Variants in ERO1A observed in about 807,000 individuals in gnomAD.
ERO1A encodes the protein ERO1-like protein alpha.
Under a neutral mutation model 76.9 loss-of-function variants are expected in ERO1A, and 49 were observed. The observed-to-expected ratio is 0.64, with a 90% CI of 0.51 to 0.81. The LOEUF (loss-of-function observed/expected upper bound fraction) is 0.81, where lower values mean the gene tolerates loss of function less well. ERO1A is among the 30% of genes least tolerant of loss of function. The pLI is 0.00. For missense variants in ERO1A, 448 were observed against 542.1 expected (o/e 0.83, Z 1.72); for synonymous variants, 174 against 181.2 (o/e 0.96, Z 0.32).
intron 6 of ERO1A, among the ~76,000 whole-genome samples, chr14:52,670,515 G>A (rs896659329): frequency 6.6e-6 from 1 of 152,180 alleles, no homozygotes; most frequent in African/African-American, 2.4e-5. Context: ...GAGTAGCTGG[G>A]ATTACAGGCA....
At position 52,654,565 on chromosome 14, in the gene ERO1A, C is replaced by T. The variant is rs1594821475; in HGVS notation, c.809-1250G>A. Among the ~76,000 whole-genome samples, 4 of 152,230 alleles carry T rather than the reference C, an allele frequency of 2.6e-5. No homozygotes were observed. In the South Asian group the frequency reaches 8.3e-4, roughly 32 times the overall value. Reference sequence around the variant, plus strand: ...AAATGTAGCAAACAAACACACAGTACTTGCTGTGTAACGGATGCTCCATGA... The same window carrying T: ...AAATGTAGCAAACAAACACACAGTATTTGCTGTGTAACGGATGCTCCATGA... On this transcript the variant is annotated intron_variant, in intron 11 of 15. Coordinates refer to ENST00000395686, the MANE Select transcript of ERO1A (RefSeq NM_014584.3).
chr14:52,686,015 C>A (rs2041165531), intron 1 of ERO1A, among the ~76,000 whole-genome samples: 1 of 152,140 alleles, frequency 6.6e-6, no homozygotes, highest in African/African-American at 2.4e-5. Flanking sequence ...AGTTGAAGAC[C>A]AGCCTGACCA....
chr14:52,689,725 G>A (rs185057260), intron 1 of ERO1A, among the ~76,000 whole-genome samples: 2 of 152,060 alleles, frequency 1.3e-5, no homozygotes, highest in Non-Finnish European at 2.9e-5. Context: ...GTGTTCTGCA[G>A]ATTCAATGCA....
chr14:52,683,819 A>C lies in ERO1A; in HGVS notation c.203T>G (p.Leu68Arg). The C allele has an allele frequency of 1.3e-6, 2 of 1,541,328 alleles. No homozygotes were observed. The highest frequency in any genetic ancestry group is 1.8e-6 in the Non-Finnish European group (2 of 1,126,266). The change falls in exon 2 of 16, where the codon CTT becomes CGT. Residue 68 changes from leucine to arginine, a missense_variant. Around this residue, in one of 2 missense-constraint regions of ERO1A, gnomAD observed 146 missense variants for 130.2 expected, o/e 1.12. Coordinates refer to ENST00000395686, the MANE Select transcript of ERO1A (RefSeq NM_014584.3). ...ATACCTAAAGTAGTCACTTTCAAGAAGTTTTTGTAGTCTTGGGAAAAGCCT... is the reference window on the plus strand; with the variant it reads ...ATACCTAAAGTAGTCACTTTCAAGACGTTTTTGTAGTCTTGGGAAAAGCCT... ...NYRLFPRLQKLLESDYFRYYK... is the reference protein window; with the variant it reads ...NYRLFPRLQKRLESDYFRYYK...
At chr14:52,663,732 C>T (rs1252376724) in intron 8 of ERO1A, 69 bp downstream of exon 8, 2 of 911,790 alleles carry the variant, frequency 2.2e-6, no homozygotes, top group Non-Finnish European at 3.6e-6. Context: ...ATTTATCTTG[C>T]CTTCCCCTTC....
rs1057057535 is a variant in ERO1A, at chr14:52,695,390, G to C, written c.92C>G (p.Ala31Gly). Residue 31 changes from alanine (A) to glycine (G), a missense_variant, in exon 1 of 16, where the codon GCG becomes GGG. By Grantham distance (60) the Ala-to-Gly change is moderately conservative. Coordinates refer to ENST00000395686, the MANE Select transcript of ERO1A (RefSeq NM_014584.3). ...CACCTGGCAGAAGCACCTCTGTGCCGCTGTCTCCGGGGGCTGCTCCTCTCC... is the reference window on the plus strand; with the variant it reads ...CACCTGGCAGAAGCACCTCTGTGCCCCTGTCTCCGGGGGCTGCTCCTCTCC... ...GHGEEQPPET[A>G]AQRCFCQVSG... is the part of the protein sequence containing the mutation. 1.3e-5 allele frequency: 19 copies of C among 1,511,394 alleles called. 1 individual carries two copies. The highest frequency in any genetic ancestry group is 6.2e-5 in the Admixed American group (3 of 48,752). The allele number at this position is 1,511,394 out of a possible 1,614,324, so 93.6% of individuals were successfully genotyped here. A position where few individuals can be genotyped will look rare whatever the true frequency, so the allele number is the denominator to read the frequency against.
chr14:52,693,785 A>G (rs1487750706), intron 1 of ERO1A, among the ~76,000 whole-genome samples: 2 of 152,132 alleles, frequency 1.3e-5, no homozygotes, highest in African/African-American at 4.8e-5. Context: ...GGCTGGAGCC[A>G]CCACACCCAG....
At chr14:52,682,128 T>A (rs1193219622) in intron 3 of ERO1A, among the ~76,000 whole-genome samples, 197 bp downstream of exon 3, 2 of 152,140 alleles carry the variant, frequency 1.3e-5, no homozygotes, top group Admixed American at 6.5e-5. Context: ...GTGCAGTGGC[T>A]CACACCTGTA....
intron 3 of ERO1A, among the ~76,000 whole-genome samples, 194 bp from the exon 4 acceptor site, chr14:52,678,666 T>G (rs2040883916): frequency 6.6e-6 from 1 of 152,260 alleles, no homozygotes; most frequent in South Asian, 2.1e-4. Flanking sequence ...TATGGATTGC[T>G]GAGCATACAT....
chr14:52,666,315 G>T, intron 7 of ERO1A, 60 bp downstream of exon 7: 1 of 1,192,688 alleles, frequency 8.4e-7, no homozygotes, highest in Non-Finnish European at 1.2e-6. Flanking sequence ...TTATGATTTT[G>T]TTTATAAAGA....
At chr14:52,659,990 C>T (rs1343049795) in intron 9 of ERO1A, among the ~76,000 whole-genome samples, 3 of 152,116 alleles carry the variant, frequency 2.0e-5, no homozygotes, top group Non-Finnish European at 4.4e-5. Context: ...TGCACCACCA[C>T]GCCCAGCTAA....
intron 6 of ERO1A, among the ~76,000 whole-genome samples, chr14:52,667,064 A>C (rs2040437858): frequency 6.6e-6 from 1 of 152,260 alleles, no homozygotes; most frequent in Non-Finnish European, 1.5e-5. Context: ...AAACATGGTA[A>C]TTCAATTATC....
intron 8 of ERO1A, among the ~76,000 whole-genome samples, chr14:52,661,648 C>G (rs2040237686): frequency 6.6e-6 from 1 of 152,146 alleles, no homozygotes; most frequent in East Asian, 1.9e-4. Flanking sequence ...CTGACAGAGA[C>G]TTTTCCACAT....
chr14:52,688,714 G>T (rs1010632129), intron 1 of ERO1A, among the ~76,000 whole-genome samples: 1 of 152,156 alleles, frequency 6.6e-6, no homozygotes, highest in Admixed American at 6.6e-5. Flanking sequence ...ACAGTTAGCT[G>T]TGGAGGGAGC....
intron 6 of ERO1A, among the ~76,000 whole-genome samples, chr14:52,668,910 T>G (rs2040506976): frequency 6.6e-6 from 1 of 151,642 alleles, no homozygotes; most frequent in Non-Finnish European, 1.5e-5. Flanking sequence ...CCTGAAGTTT[T>G]TCATAGAAAA....
intron 13 of ERO1A, 140 bp downstream of exon 13, chr14:52,652,099 T>C: frequency 2.2e-6 from 1 of 447,980 alleles, no homozygotes; most frequent in Non-Finnish European, 4.0e-6. Context: ...CCCAAAGTGC[T>C]GGAATTACAG....
intron 4 of ERO1A, among the ~76,000 whole-genome samples, chr14:52,676,282 C>T (rs952289294): frequency 4.6e-5 from 7 of 152,166 alleles, no homozygotes; most frequent in African/African-American, 1.7e-4. Flanking sequence ...AATAACTACA[C>T]AGTTATCAAT....
At chr14:52,665,043 T>G (rs911377499) in intron 7 of ERO1A, among the ~76,000 whole-genome samples, 3 of 151,178 alleles carry the variant, frequency 2.0e-5, no homozygotes, top group African/African-American at 7.3e-5. Flanking sequence ...GGCTCACCCC[T>G]GTAATCCCAG....
At chr14:52,651,753 T>C (rs901396460) in intron 13 of ERO1A, among the ~76,000 whole-genome samples, 1 of 152,210 alleles carries the variant, frequency 6.6e-6, no homozygotes, top group Non-Finnish European at 1.5e-5. Flanking sequence ...ATCAGGCTAA[T>C]TAACAAATCC....
Sources: allele counts gnomAD v4.1 joint callset (sites outside exome capture counted in the v4.1 genomes callset), GRCh38; gene constraint gnomAD v4.1.1; regional missense constraint gnomAD v4.1.1; transcripts MANE v1.5; gene names NCBI Gene and HGNC (gene_info 2026-07-23, HGNC 2026-07-21).